Variants in KCNN2 observed in about 807,000 individuals in gnomAD.
The protein encoded by KCNN2 is small conductance calcium-activated potassium channel protein 2.
In KCNN2, 24 loss-of-function variants were observed where a neutral mutation model predicts 55.5. That is an observed-to-expected ratio of 0.43 (90% CI 0.31 to 0.61). The LOEUF (loss-of-function observed/expected upper bound fraction) is 0.61, where lower values mean the gene tolerates loss of function less well. Among genes scored for constraint, KCNN2 ranks in the 20% least tolerant of loss-of-function variants. KCNN2 has a pLI of 0.08. For missense variants in KCNN2, 754 were observed against 853.6 expected, an observed-to-expected ratio of 0.88 and a Z score of 1.45; for synonymous variants, 431 against 336.1, an observed-to-expected ratio of 1.28 and a Z score of -3.09.
At chr5:114,188,891 T>A (rs138749974) in intron 1 of KCNN2, among the ~76,000 whole-genome samples, 179 of 152,312 alleles carry the variant, frequency 1.2e-3, no homozygotes, top group African/African-American at 4.2e-3. Flanking sequence ...ATCTATGAAC[T>A]CAGTGCATTT....
At chr5:114,265,586 C>T (rs1315685940) in intron 2 of KCNN2, among the ~76,000 whole-genome samples, 2 of 152,166 alleles carry the variant, frequency 1.3e-5, no homozygotes, top group African/African-American at 4.8e-5. Flanking sequence ...GGAGGAGTTC[C>T]CTCTTACTCA....
At chr5:114,361,307 G>T (rs1269584460), upstream of KCNN2, among the ~76,000 whole-genome samples, 2 of 151,894 alleles carry the variant, frequency 1.3e-5, no homozygotes, top group East Asian at 2.0e-4. Flanking sequence ...TACCCGCGCC[G>T]CAGCGCACTT....
intron 3 of KCNN2, among the ~76,000 whole-genome samples, chr5:114,406,610 C>T (rs1209027814): frequency 6.6e-6 from 1 of 151,210 alleles, no homozygotes; most frequent in Non-Finnish European, 1.5e-5. Flanking sequence ...GTCACTAAAT[C>T]ATCTCTAAAT....
intron 1 of KCNN2, among the ~76,000 whole-genome samples, chr5:114,187,030 A>G (rs1485709186): frequency 6.6e-6 from 1 of 152,216 alleles, no homozygotes; most frequent in Non-Finnish European, 1.5e-5. Flanking sequence ...TTCAAATTAA[A>G]TATATTATCA....
chr5:114,247,292 C>G (rs181770857), intron 2 of KCNN2, among the ~76,000 whole-genome samples: 1 of 149,930 alleles, frequency 6.7e-6, no homozygotes, highest in Non-Finnish European at 1.5e-5. Flanking sequence ...CTGTAACAGA[C>G]AGTTTTCTAC....
At chr5:114,392,141 G>T (rs1473688557) in intron 2 of KCNN2, among the ~76,000 whole-genome samples, 1 of 152,214 alleles carries the variant, frequency 6.6e-6, no homozygotes, top group Non-Finnish European at 1.5e-5. Flanking sequence ...AAGAGAGAAG[G>T]ATGGGAATAC....
At chr5:114,271,547 G>A (rs1755336065) in intron 2 of KCNN2, among the ~76,000 whole-genome samples, 1 of 152,158 alleles carries the variant, frequency 6.6e-6, no homozygotes, top group South Asian at 2.1e-4. Flanking sequence ...TATAAATAAT[G>A]AGAGTGATTT....
intron 3 of KCNN2, among the ~76,000 whole-genome samples, chr5:114,434,230 A>ATT (rs149159021): frequency 4.0e-5 from 6 of 150,496 alleles, no homozygotes; most frequent in African/African-American, 4.9e-5. Flanking sequence ...AAGCTCAGAG[A>ATT]TTTTTTTTTC....
At chr5:114,173,215 C>T (rs1323849200) in intron 1 of KCNN2, among the ~76,000 whole-genome samples, 1 of 151,892 alleles carries the variant, frequency 6.6e-6, no homozygotes, top group Admixed American at 6.6e-5. Context: ...GTTGTTGGCA[C>T]CTTTGTAAAA....
At chr5:114,310,687 G>GT (rs1196680110) in intron 2 of KCNN2, among the ~76,000 whole-genome samples, 10 of 152,064 alleles carry the variant, frequency 6.6e-5, no homozygotes, top group African/African-American at 2.4e-4. Flanking sequence ...GGAATATTTC[G>GT]TAATTTATAA....
intron 2 of KCNN2, among the ~76,000 whole-genome samples, chr5:114,270,919 GC>G (rs1755317120): frequency 6.6e-6 from 1 of 152,168 alleles, no homozygotes; most frequent in Admixed American, 6.5e-5. Context: ...CAGGAGTGAA[GC>G]TGCAGACCTT....
At chr5:114,270,909 C>T (rs1192841871) in intron 2 of KCNN2, among the ~76,000 whole-genome samples, 1 of 152,152 alleles carries the variant, frequency 6.6e-6, no homozygotes, top group Non-Finnish European at 1.5e-5. Flanking sequence ...TCACTGACTT[C>T]AGGAGTGAAG....
At chr5:114,094,706 G>A (rs1751221270) in intron 1 of KCNN2, among the ~76,000 whole-genome samples, 1 of 152,018 alleles carries the variant, frequency 6.6e-6, no homozygotes, top group South Asian at 2.1e-4. Flanking sequence ...TACCAAAACC[G>A]GTTTATAAAA....
chr5:114,459,632 A>G (rs182139625), intron 3 of KCNN2, among the ~76,000 whole-genome samples: 2 of 152,288 alleles, frequency 1.3e-5, no homozygotes, highest in Non-Finnish European at 2.9e-5. Context: ...ATTCACAATC[A>G]TGTATGTCTG....
intron 2 of KCNN2, among the ~76,000 whole-genome samples, chr5:114,311,189 T>C (rs561508034): frequency 2.6e-5 from 4 of 152,276 alleles, no homozygotes; most frequent in African/African-American, 9.6e-5. Flanking sequence ...GTAAATTTCC[T>C]CCTAAAAAGA....
chr5:114,302,490 A>G (rs1756186383), intron 2 of KCNN2, among the ~76,000 whole-genome samples: 1 of 152,212 alleles, frequency 6.6e-6, no homozygotes, highest in African/African-American at 2.4e-5. Flanking sequence ...ATAATGGAAG[A>G]AACTGAAGAA....
chr5:114,255,956 A>G (rs905400201), intron 2 of KCNN2, among the ~76,000 whole-genome samples: 1 of 152,074 alleles, frequency 6.6e-6, no homozygotes, highest in Non-Finnish European at 1.5e-5. Flanking sequence ...TATCCCCTAT[A>G]TAGTGTATAT....
intron 1 of KCNN2, among the ~76,000 whole-genome samples, chr5:114,176,800 G>A (rs1360199513): frequency 2.0e-5 from 3 of 152,100 alleles, no homozygotes; most frequent in Non-Finnish European, 4.4e-5. Context: ...TGTTTTATGA[G>A]GGCGATGAAT....
In KCNN2 at chr5:114,284,562, G is replaced by A. The variant is rs140856524; in HGVS notation, c.-185+62997G>A. Among the ~76,000 whole-genome samples the A allele has an allele frequency of 3.6e-3, 546 of 152,202 alleles. 5 individuals carry two copies. The highest frequency in any genetic ancestry group is 0.013 in the African/African-American group (531 of 41,532). On this transcript the variant is annotated intron_variant, in intron 2 of 10. Transcript: ENST00000512097. The stretch of plus-strand genomic sequence containing the variant: ...GAGATGGAGTCTTGCTCTGTTGCCA[G>A]GCTGGAGTGCAGTGGCACAGTCTTG...
Sources: allele counts gnomAD v4.1 joint callset (sites outside exome capture counted in the v4.1 genomes callset), GRCh38; gene constraint gnomAD v4.1.1; transcripts MANE v1.5; gene names NCBI Gene and HGNC (gene_info 2026-07-23, HGNC 2026-07-21).